SERPINI1: variants seen among roughly 807,000 people sequenced by gnomAD.
SERPINI1 encodes neuroserpin.
Under a neutral mutation model 41.1 loss-of-function variants are expected in SERPINI1, and 19 were observed. That is an observed-to-expected ratio of 0.46 (90% CI 0.32 to 0.68). The LOEUF (loss-of-function observed/expected upper bound fraction) is 0.68. Among genes scored for constraint, SERPINI1 ranks in the 30% least tolerant of loss-of-function variants. SERPINI1 has a pLI of 0.03. For synonymous variants in SERPINI1, 138 were observed against 156.6 expected (o/e 0.88, Z 0.89); for missense variants, 460 against 479.2 (o/e 0.96, Z 0.37).
chr3:167,746,852 C>T (rs1577397187), intron 1 of SERPINI1, among the ~76,000 whole-genome samples: 1 of 152,316 alleles, frequency 6.6e-6, no homozygotes, highest in South Asian at 2.1e-4. Flanking sequence ...ATGATGCTGT[C>T]ACTTTGGAAA....
chr3:167,754,415 T>C (rs1207942596), intron 1 of SERPINI1, among the ~76,000 whole-genome samples: 2 of 152,222 alleles, frequency 1.3e-5, no homozygotes, highest in African/African-American at 4.8e-5. Context: ...ACAACAAAAA[T>C]AAGCAACTTT....
chr3:167,797,744 T>TA (rs1727762210), intron 5 of SERPINI1, among the ~76,000 whole-genome samples: 1 of 151,626 alleles, frequency 6.6e-6, no homozygotes, highest in South Asian at 2.1e-4. Context: ...CCAAGCGTTT[T>TA]TTTTTTATGT....
chr3:167,794,403 C>T (rs1311913571), intron 4 of SERPINI1, among the ~76,000 whole-genome samples: 1 of 151,786 alleles, frequency 6.6e-6, no homozygotes, highest in Non-Finnish European at 1.5e-5. Context: ...CAAATTTAAA[C>T]CTTTTTATTT....
chr3:167,772,107 G>T (rs749949498), intron 1 of SERPINI1, among the ~76,000 whole-genome samples: 10 of 152,134 alleles, frequency 6.6e-5, no homozygotes, highest in Non-Finnish European at 1.5e-4. Flanking sequence ...TACAAATGGG[G>T]TTGCTTCCAT....
chr3:167,807,196 G>C (rs77878704), intron 5 of SERPINI1, 48 bp from the exon 6 acceptor site: 61 of 1,216,498 alleles, frequency 5.0e-5, no homozygotes, highest in Non-Finnish European at 7.0e-5. Flanking sequence ...CTTGTTCCAG[G>C]TAACAAGATG....
chr3:167,744,822 T>C (rs1328358589), intron 1 of SERPINI1, among the ~76,000 whole-genome samples: 19 of 119,966 alleles, frequency 1.6e-4, no homozygotes, highest in Admixed American at 6.7e-4. Flanking sequence ...TATAGTTATA[T>C]ATATAATATA....
chr3:167,771,800 C>G (rs1005554727), intron 1 of SERPINI1, among the ~76,000 whole-genome samples: 2 of 152,106 alleles, frequency 1.3e-5, no homozygotes, highest in Admixed American at 6.5e-5. Context: ...CAGTTTAAAA[C>G]TAGATGGACT....
intron 6 of SERPINI1, among the ~76,000 whole-genome samples, chr3:167,818,081 A>C (rs1712179153): frequency 6.6e-6 from 1 of 151,946 alleles, no homozygotes. Flanking sequence ...ACTGGAGTGC[A>C]ATGGCATGTT....
intron 5 of SERPINI1, among the ~76,000 whole-genome samples, chr3:167,796,180 T>C (rs958727225): frequency 1.3e-5 from 2 of 152,128 alleles, no homozygotes; most frequent in African/African-American, 2.4e-5. Flanking sequence ...TAGTTTGTTA[T>C]GTAAGTGAAG....
intron 1 of SERPINI1, among the ~76,000 whole-genome samples, chr3:167,767,635 A>G (rs964520574): frequency 6.6e-6 from 1 of 152,178 alleles, no homozygotes; most frequent in Non-Finnish European, 1.5e-5. Context: ...TTTGGAAAAA[A>G]TGTTATCTTT....
At position 167,818,614 on chromosome 3, in the gene SERPINI1, A is replaced by G. The variant is rs552292329; in HGVS notation, c.980-4372A>G. ...GTTTGTCCAGTTCATTATCTTTTAA[A>G]TAACTAGCTCTCTGAGAATAACCCT... On this transcript the variant is annotated intron_variant, in intron 6 of 8. Coordinates refer to ENST00000446050, the MANE Select transcript of SERPINI1 (RefSeq NM_001122752.2). Among the ~76,000 whole-genome samples the G allele has an allele frequency of 3.3e-5, 5 of 152,114 alleles. No homozygotes were observed. The South Asian group carries it at 1.0e-3, about 32-fold the overall frequency.
intron 6 of SERPINI1, among the ~76,000 whole-genome samples, chr3:167,819,298 G>A (rs1712231501): frequency 6.6e-6 from 1 of 152,082 alleles, no homozygotes; most frequent in African/African-American, 2.4e-5. Context: ...ATAGGCATGA[G>A]CCACTGCGCC....
chr3:167,820,183 T>C (rs577184640), intron 6 of SERPINI1, among the ~76,000 whole-genome samples: 1 of 151,112 alleles, frequency 6.6e-6, no homozygotes, highest in South Asian at 2.1e-4. Flanking sequence ...TATCTTCACG[T>C]GGTATATTAG....
At chr3:167,768,984 G>T (rs1341068526) in intron 1 of SERPINI1, among the ~76,000 whole-genome samples, 1 of 149,132 alleles carries the variant, frequency 6.7e-6, no homozygotes, top group African/African-American at 2.5e-5. Context: ...TTGTTCTTTT[G>T]TTTGTTTGTT....
chr3:167,808,275 A>AT (rs3061445), intron 6 of SERPINI1, among the ~76,000 whole-genome samples: 59 of 149,098 alleles, frequency 4.0e-4, no homozygotes, highest in African/African-American at 1.3e-3. Context: ...CAAATACCCT[A>AT]TTTTTTTCAG....
At chr3:167,804,571 G>A (rs901096628) in intron 5 of SERPINI1, among the ~76,000 whole-genome samples, 1 of 152,160 alleles carries the variant, frequency 6.6e-6, no homozygotes, top group Non-Finnish European at 1.5e-5. Context: ...GGTGTTTTAT[G>A]TCTGTAGTCC....
At chr3:167,752,751 C>G (rs1007077077) in intron 1 of SERPINI1, among the ~76,000 whole-genome samples, 1 of 152,020 alleles carries the variant, frequency 6.6e-6, no homozygotes, top group Non-Finnish European at 1.5e-5. Flanking sequence ...CTCTTCTTTT[C>G]CTTTGTTCAT....
At chr3:167,806,824 G>A (rs929742397) in intron 5 of SERPINI1, among the ~76,000 whole-genome samples, 5 of 151,206 alleles carry the variant, frequency 3.3e-5, no homozygotes, top group Non-Finnish European at 5.9e-5. Flanking sequence ...TGAAATAACC[G>A]AGGTAAATGT....
intron 1 of SERPINI1, among the ~76,000 whole-genome samples, chr3:167,776,540 A>C (rs1295061631): frequency 1.3e-5 from 2 of 152,194 alleles, no homozygotes; most frequent in African/African-American, 4.8e-5. Context: ...AGCTAAGGAC[A>C]CATGTTTTGT....
Sources: allele counts gnomAD v4.1 joint callset (sites outside exome capture counted in the v4.1 genomes callset), GRCh38; gene constraint gnomAD v4.1.1; transcripts MANE v1.5; gene names NCBI Gene and HGNC (gene_info 2026-07-23, HGNC 2026-07-21).